ANK1: variants seen among roughly 807,000 people sequenced by gnomAD.
ANK1 encodes ankyrin-1.
In ANK1, 51 loss-of-function variants were observed where a neutral mutation model predicts 210.4. The ratio of observed to expected loss-of-function variants is 0.24; its 90% confidence interval spans 0.19 to 0.31. The LOEUF (loss-of-function observed/expected upper bound fraction) is 0.31. Among genes scored for constraint, ANK1 ranks in the 10% least tolerant of loss-of-function variants. The probability of loss-of-function intolerance (pLI) is 1.00; values close to 1 mark genes in which losing one functional copy is unlikely to be tolerated. For synonymous variants in ANK1, 967 were observed against 1,025.9 expected, an observed-to-expected ratio of 0.94 and a Z score of 1.10; for missense variants, 2,051 against 2,504.4, an observed-to-expected ratio of 0.82 and a Z score of 3.86.
chr8:41,661,775 C>CA (rs1808317608), intron 41 of ANK1, 101 bp downstream of exon 41: 1 of 1,612,558 alleles, frequency 6.2e-7, no homozygotes, highest in Non-Finnish European at 8.5e-7. Context: ...GCGCTGGGTC[C>CA]CCCAGGGCCG....
chr8:41,679,487 T>C (rs1586000825), intron 37 of ANK1, among the ~76,000 whole-genome samples: 1 of 152,048 alleles, frequency 6.6e-6, no homozygotes, highest in Non-Finnish European at 1.5e-5. Context: ...CAGAGTGTTC[T>C]ATCTGTGCAA....
Position 41,894,284 on chromosome 8 carries a change from G to A in ANK1, c.126+2071C>T, listed in dbSNP as rs148468650. Among the ~76,000 whole-genome samples, 21 of 152,130 alleles carry A rather than the reference G, an allele frequency of 1.4e-4. No homozygotes were observed. The East Asian group carries it at 4.1e-3, about 29-fold the overall frequency. ...GCATAAAATAATGAAAATCTGAATG[G>A]AAGATTTTTGAATGCTACTGACGCA... is the stretch of plus-strand genomic sequence containing the variant. On this transcript the variant is annotated intron_variant, in intron 1 of 42. Coordinates refer to the ANK1 transcript ENST00000265709.
chr8:41,718,033 G>T, intron 11 of ANK1, 73 bp downstream of exon 11: 1 of 1,431,748 alleles, frequency 7.0e-7, no homozygotes, highest in South Asian at 1.2e-5. Context: ...AAGCTACAAA[G>T]AGCGACTCTT....
intron 1 of ANK1, among the ~76,000 whole-genome samples, chr8:41,787,070 A>G (rs905377758): frequency 1.3e-5 from 2 of 152,208 alleles, no homozygotes. Context: ...CCCAAAGCAC[A>G]GAGGGATGCC....
intron 1 of ANK1, among the ~76,000 whole-genome samples, chr8:41,890,699 ACTCCGT>A (rs1393182253): frequency 5.7e-5 from 8 of 141,126 alleles, no homozygotes; most frequent in Non-Finnish European, 9.0e-5. Context: ...ACAGAGCGAG[ACTCCGT>A]CTCAAAAAAA....
At chr8:41,729,303 C>T (rs4361802) in intron 3 of ANK1, among the ~76,000 whole-genome samples, 72 of 152,174 alleles carry the variant, frequency 4.7e-4, no homozygotes, top group African/African-American at 1.6e-3. Flanking sequence ...AAACCAGGCA[C>T]GTAATTGTTT....
At chr8:41,672,204 G>A (rs1812626143) in intron 38 of ANK1, 150 bp downstream of exon 38, 3 of 845,750 alleles carry the variant, frequency 3.5e-6, no homozygotes, top group Admixed American at 5.4e-5. Context: ...CTTATATATG[G>A]CATCTGCCAG....
intron 1 of ANK1, among the ~76,000 whole-genome samples, chr8:41,835,002 G>C (rs373271387): frequency 6.6e-6 from 1 of 152,242 alleles, no homozygotes. Flanking sequence ...GCCCCAGAAC[G>C]GCTAAAGGAC....
At position 41,797,397 on chromosome 8, in the gene ANK1, G is replaced by A; in HGVS notation, c.27+115C>T. On this transcript the variant is annotated intron_variant, in intron 1 of 42. Transcript: ENST00000289734. The surrounding 1 kb of genome is among the most constrained non-coding windows in gnomAD (Gnocchi z 4.0). ...GCTAAGGCAGGGAGCCCACGGGGAG[G>A]CGAGGCGGGTGGGGTGTGCAAAGCT... is the stretch of plus-strand genomic sequence containing the variant. 1 of 924,288 alleles carries A rather than the reference G, an allele frequency of 1.1e-6. No individual in the cohort carries two copies. 57.3% of individuals were successfully genotyped at this position (924,288 alleles called of 1,614,324 possible).
intron 1 of ANK1, among the ~76,000 whole-genome samples, chr8:41,884,009 A>G (rs890221305): frequency 6.6e-6 from 1 of 152,190 alleles, no homozygotes; most frequent in African/African-American, 2.4e-5. Context: ...GATGCCAGGG[A>G]ATGCATTGGT....
At chr8:41,740,281 C>G (rs1834450138) in intron 2 of ANK1, among the ~76,000 whole-genome samples, 1 of 152,022 alleles carries the variant, frequency 6.6e-6, no homozygotes, top group Non-Finnish European at 1.5e-5. Flanking sequence ...CTGCCTCAAC[C>G]TCCCAAGTAG....
intron 12 of ANK1, 114 bp from the exon 13 acceptor site, chr8:41,717,165 G>A (rs2150638392): frequency 9.2e-7 from 1 of 1,087,718 alleles, no homozygotes; most frequent in East Asian, 2.5e-5. Context: ...TCCAAGAGGT[G>A]GAGTTGCCCC....
upstream of ANK1, chr8:41,797,703 G>C (rs1849050820): frequency 6.4e-6 from 7 of 1,097,482 alleles, no homozygotes; most frequent in South Asian, 8.2e-5. The surrounding 1 kb of genome is among the most constrained non-coding windows in gnomAD (Gnocchi z 4.0). Flanking sequence ...GGGCGCTCCC[G>C]GCACGGGCGG....
At position 41,719,704 on chromosome 8, in the gene ANK1, T is replaced by C. The variant is rs555694301; in HGVS notation, c.1064A>G (p.Lys355Arg). The change falls in exon 10 of 43, where the codon AAG becomes AGG. Residue 355 changes from lysine (K) to arginine (R), a missense_variant. Physicochemically the swap from Lys to Arg is conservative, Grantham distance 26. Around this residue, in one of 6 missense-constraint regions of ANK1, gnomAD observed 1,413 missense variants for 1,707.4 expected, o/e 0.83. Coordinates refer to ENST00000289734, the MANE Select transcript of ANK1 (RefSeq NM_000037.4). The part of the protein sequence containing the change: ...AAHCGHHRVA[K>R]VLLDKGAKPN... ...TTTGGCCCCTTTATCCAGAAGGACCTTAGCCACCCTGTGGTGTCCACAGTG... is the reference window on the plus strand; with the variant it reads ...TTTGGCCCCTTTATCCAGAAGGACCCTAGCCACCCTGTGGTGTCCACAGTG... 1.4e-5 allele frequency: 23 copies of C among 1,614,214 alleles called. No homozygotes were observed. The East Asian group carries it at 5.1e-4, about 36-fold the overall frequency.
chr8:41,797,690 G>T (rs1849044349), upstream of ANK1: 8 of 1,237,558 alleles, frequency 6.5e-6, no homozygotes, highest in South Asian at 1.9e-5. The surrounding 1 kb of genome is among the most constrained non-coding windows in gnomAD (Gnocchi z 4.0). Flanking sequence ...TTGCTGTCGG[G>T]CCGGGCGCTC....
At chr8:41,873,762 G>A (rs1441629639) in intron 1 of ANK1, among the ~76,000 whole-genome samples, 2 of 152,204 alleles carry the variant, frequency 1.3e-5, no homozygotes, top group Non-Finnish European at 2.9e-5. Context: ...TCACAGCACT[G>A]GACCTCAGAG....
intron 1 of ANK1, among the ~76,000 whole-genome samples, chr8:41,778,383 C>T (rs1462510184): frequency 2.0e-5 from 3 of 152,220 alleles, no homozygotes; most frequent in African/African-American, 7.2e-5. Flanking sequence ...GAGAGGGCTA[C>T]AGCACTGGGG....
At chr8:41,875,600 A>G (rs1181058116) in intron 1 of ANK1, among the ~76,000 whole-genome samples, 3 of 152,168 alleles carry the variant, frequency 2.0e-5, no homozygotes, top group Non-Finnish European at 4.4e-5. Context: ...GCTGCTTCCC[A>G]TGGCCATTCG....
At chr8:41,825,853 TGCC>T (rs1039933963) in intron 1 of ANK1, among the ~76,000 whole-genome samples, 4 of 152,228 alleles carry the variant, frequency 2.6e-5, no homozygotes, top group African/African-American at 9.6e-5. Flanking sequence ...TTCTCTTGCC[TGCC>T]GCCATGTAAG....
Sources: gnomAD v4.1 joint callset for allele counts (sites outside exome capture counted in the v4.1 genomes callset) on GRCh38, gnomAD v4.1.1 for gene constraint, gnomAD v4.1.1 regional missense constraint, Gnocchi (gnomAD v3.1) non-coding constraint, MANE v1.5 for transcripts, NCBI Gene and HGNC (gene_info 2026-07-23, HGNC 2026-07-21) for gene names.